Variants in SIRPD observed in about 807,000 individuals in gnomAD.
SIRPD encodes the protein signal regulatory protein delta, also known as signal-regulatory protein delta.
SIRPD carries 21 observed loss-of-function variants against 18.0 expected under a neutral mutation model. That is an observed-to-expected ratio of 1.17 (90% CI 0.83 to 1.68). The LOEUF (loss-of-function observed/expected upper bound fraction) is 1.68. Ranked by LOEUF, SIRPD falls within the 40% of genes most tolerant of loss-of-function variation. The pLI, the probability that SIRPD is intolerant of heterozygous loss-of-function variation, is 0.00. For missense variants in SIRPD, 295 were observed against 238.4 expected (o/e 1.24, Z -1.56); for synonymous variants, 106 against 92.9 (o/e 1.14, Z -0.81).
intron 2 of SIRPD, among the ~76,000 whole-genome samples, chr20:1,549,719 G>A (rs2123143068): frequency 6.6e-6 from 1 of 151,956 alleles, no homozygotes; most frequent in Non-Finnish European, 1.5e-5. Context: ...TATTTCCAGA[G>A]CCTCTAAATA....
chr20:1,552,001 C>T lies in SIRPD; in HGVS notation c.111G>A (p.Met37Ile), dbSNP rs777489596. 6.2e-7 allele frequency: 1 copy of T among 1,613,970 alleles called. No individual in the cohort carries two copies. ...ACTCCCCAGTTGATACAGTCTGTGA[C>T]ATCTCCGTTTGTTGCACATGGAACA... is the stretch of plus-strand genomic sequence containing the variant. Reference protein sequence around the residue: ...THVFHVQQTEMSQTVSTGESI... With the variant: ...THVFHVQQTEISQTVSTGESI... Residue 37 changes from methionine (M) to isoleucine (I), a missense_variant, in exon 2 of 4, where the codon ATG becomes ATA. Physicochemically the swap from Met to Ile is conservative, Grantham distance 10. Coordinates refer to ENST00000381623, the MANE Select transcript of SIRPD (RefSeq NM_178460.3).
chr20:1,557,703 C>A lies in SIRPD; in HGVS notation c.-50G>T. 6.3e-7 allele frequency: 1 copy of A among 1,576,444 alleles called. No homozygotes were observed. On this transcript the variant is annotated 5_prime_UTR_variant, in exon 1 of 4. Transcript: ENST00000381623. ...TGCCTGAATGCCTGTCCTGGAGATG[C>A]CCTCGACTCAGTGCTCCGAGCAGAG...
intron 1 of SIRPD, among the ~76,000 whole-genome samples, chr20:1,552,747 C>T (rs1383862096): frequency 1.3e-5 from 2 of 152,114 alleles, no homozygotes; most frequent in Non-Finnish European, 2.9e-5. Flanking sequence ...TCCTATTAAG[C>T]TTGGTTGTCA....
chr20:1,550,195 C>T (rs997908808), intron 2 of SIRPD, among the ~76,000 whole-genome samples: 4 of 152,200 alleles, frequency 2.6e-5, no homozygotes, highest in Admixed American at 1.3e-4. Flanking sequence ...GGGTGTGGAC[C>T]ATGTGGTGGA....
Position 1,534,734 on chromosome 20 carries a change from G to C in SIRPD, c.578-293C>G, listed in dbSNP as rs994093827. ...GAGATACTTTAACCAAATCTGTTTTGGTCCCAAATGTTCAAAATACCCCCT... is the reference window on the plus strand; with the variant it reads ...GAGATACTTTAACCAAATCTGTTTTCGTCCCAAATGTTCAAAATACCCCCT... On this transcript the variant is annotated intron_variant, in intron 3 of 3. Transcript: ENST00000381623. Among the ~76,000 whole-genome samples, 7 of 152,164 alleles carry C rather than the reference G, an allele frequency of 4.6e-5. No homozygotes were observed. The South Asian group carries it at 1.2e-3, about 27-fold the overall frequency.
chr20:1,555,548 A>T (rs999442277), intron 1 of SIRPD, among the ~76,000 whole-genome samples: 25 of 152,230 alleles, frequency 1.6e-4, no homozygotes, highest in African/African-American at 5.8e-4. Context: ...GCCTGATTTG[A>T]TCATTTCACT....
chr20:1,551,602 G>T, intron 2 of SIRPD, 89 bp downstream of exon 2: 2 of 966,704 alleles, frequency 2.1e-6, no homozygotes, highest in Non-Finnish European at 1.6e-6. Flanking sequence ...ATAATATTTG[G>T]CACATAGCAA....
At chr20:1,539,146 A>G (rs1485388946) in intron 2 of SIRPD, among the ~76,000 whole-genome samples, 4 of 152,244 alleles carry the variant, frequency 2.6e-5, no homozygotes, top group African/African-American at 4.8e-5. Context: ...CAAGTACAGC[A>G]GTAACTACAT....
intron 2 of SIRPD, chr20:1,540,321 T>C (rs2090965567): frequency 2.2e-6 from 1 of 455,974 alleles, no homozygotes; most frequent in Non-Finnish European, 4.4e-6. Context: ...TTCTGGCTTC[T>C]AGAACTGTAA....
intron 2 of SIRPD, among the ~76,000 whole-genome samples, chr20:1,550,813 A>G (rs1337196267): frequency 6.6e-6 from 1 of 152,208 alleles, no homozygotes; most frequent in Non-Finnish European, 1.5e-5. Context: ...GCATCCAGCA[A>G]TTCAAATGTT....
chr20:1,535,376 A>G (rs1444480068), intron 3 of SIRPD, among the ~76,000 whole-genome samples: 1 of 152,172 alleles, frequency 6.6e-6, no homozygotes, highest in East Asian at 1.9e-4. Context: ...TTCATGTTGA[A>G]ATTCAATCCT....
At chr20:1,538,684 A>C (rs2090958282) in intron 2 of SIRPD, among the ~76,000 whole-genome samples, 1 of 152,210 alleles carries the variant, frequency 6.6e-6, no homozygotes, top group Non-Finnish European at 1.5e-5. Flanking sequence ...ACTAGCATGC[A>C]TGAAGAGATC....
At chr20:1,553,523 T>C (rs978521867) in intron 1 of SIRPD, among the ~76,000 whole-genome samples, 1 of 152,152 alleles carries the variant, frequency 6.6e-6, no homozygotes, top group East Asian at 1.9e-4. Flanking sequence ...TTCAGGGTCA[T>C]GGAATAAGTC....
intron 1 of SIRPD, among the ~76,000 whole-genome samples, chr20:1,556,876 C>A (rs764863539): frequency 1.3e-5 from 2 of 152,222 alleles, no homozygotes; most frequent in Non-Finnish European, 2.9e-5. Context: ...ATTTAAACCA[C>A]CCAGTTTGCA....
At chr20:1,540,250 C>G (rs1024702576) in intron 2 of SIRPD, 1 of 455,508 alleles carries the variant, frequency 2.2e-6, no homozygotes, top group Non-Finnish European at 4.4e-6. Flanking sequence ...TCTCCTAGAA[C>G]CTCCAGAAGG....
At chr20:1,541,489 G>GT (rs1286094801) in intron 2 of SIRPD, among the ~76,000 whole-genome samples, 3 of 152,072 alleles carry the variant, frequency 2.0e-5, no homozygotes, top group Admixed American at 6.5e-5. Flanking sequence ...GGGGTTGCTT[G>GT]TTTTTTTCTT....
intron 2 of SIRPD, among the ~76,000 whole-genome samples, chr20:1,548,541 A>G (rs1245579624): frequency 2.0e-5 from 3 of 152,094 alleles, no homozygotes; most frequent in Non-Finnish European, 2.9e-5. Flanking sequence ...TTTTGTGTCC[A>G]TATACGTAAG....
At chr20:1,546,955 A>T (rs1055259825) in intron 2 of SIRPD, among the ~76,000 whole-genome samples, 2 of 152,136 alleles carry the variant, frequency 1.3e-5, no homozygotes, top group African/African-American at 2.4e-5. Context: ...TATTTTTCCC[A>T]TTCTGTGGGT....
At chr20:1,535,667 T>C (rs1366788487) in intron 3 of SIRPD, among the ~76,000 whole-genome samples, 3 of 152,188 alleles carry the variant, frequency 2.0e-5, no homozygotes, top group Non-Finnish European at 4.4e-5. Context: ...TTTACAACTA[T>C]AAGAAATAGG....
Sources: allele counts gnomAD v4.1 joint callset (sites outside exome capture counted in the v4.1 genomes callset), GRCh38; gene constraint gnomAD v4.1.1; transcripts MANE v1.5; gene names NCBI Gene and HGNC (gene_info 2026-07-23, HGNC 2026-07-21).